OSTM1: variants seen among roughly 807,000 people sequenced by gnomAD.
The protein encoded by OSTM1 is osteoclastogenesis associated transmembrane protein 1, also known as osteopetrosis-associated transmembrane protein 1.
A neutral mutation model predicts 35.4 loss-of-function variants in OSTM1; 26 were observed. The observed-to-expected ratio is 0.73, with a 90% confidence interval of 0.54 to 1.02. The LOEUF (loss-of-function observed/expected upper bound fraction) is 1.02, where lower values mean the gene tolerates loss of function less well. Among genes scored for constraint, OSTM1 ranks in the 50% least tolerant of loss-of-function variants. OSTM1 has a pLI of 0.00. For missense variants in OSTM1, 366 were observed against 409.6 expected (o/e 0.89, Z 0.92); for synonymous variants, 181 against 165.0 (o/e 1.10, Z -0.75).
intron 3 of OSTM1, among the ~76,000 whole-genome samples, chr6:108,053,676 G>T (rs180998840): frequency 1.3e-5 from 2 of 152,240 alleles, no homozygotes; most frequent in African/African-American, 4.8e-5. Context: ...ATATTGGCCA[G>T]GTTGATCTCG....
intron 1 of OSTM1, among the ~76,000 whole-genome samples, chr6:108,066,925 C>T (rs1772389788): frequency 6.6e-6 from 1 of 152,150 alleles, no homozygotes; most frequent in African/African-American, 2.4e-5. Context: ...ATGGTCCTTG[C>T]TTATACTTAG....
intron 1 of OSTM1, among the ~76,000 whole-genome samples, chr6:108,067,719 A>C (rs1772403386): frequency 6.7e-6 from 1 of 150,284 alleles, no homozygotes; most frequent in Non-Finnish European, 1.5e-5. Context: ...AGTCCCAGCT[A>C]CTCAGGAGGC....
chr6:108,044,538 G>C lies in OSTM1; in HGVS notation c.*247C>G, dbSNP rs1771932134. 3 of 339,876 alleles carry C rather than the reference G, an allele frequency of 8.8e-6. No homozygotes were observed. The East Asian group carries it at 1.4e-4, about 16-fold the overall frequency. The allele number at this position is 339,876 out of a possible 1,614,324, so 21.1% of individuals were successfully genotyped here. ...AATAATGATTGTTCTTGCATGTTCT[G>C]TTATTGTGACAAATACACATTAAAA... On this transcript the variant is annotated 3_prime_UTR_variant, in exon 6 of 6. Coordinates refer to ENST00000193322, the MANE Select transcript of OSTM1 (RefSeq NM_014028.4).
chr6:108,074,437 G>C lies in OSTM1; in HGVS notation c.215C>G (p.Ser72Trp). 1 of 1,559,422 alleles carries C rather than the reference G, an allele frequency of 6.4e-7. No homozygotes were observed. The highest frequency in any genetic ancestry group is 8.7e-7 in the Non-Finnish European group (1 of 1,151,928). Reference sequence around the variant, plus strand: ...CAGATCCGGCAGGTCCGGGGGCAGCGACAGAGGCCCCAGCCCTCCACCCTG... The same window carrying C: ...CAGATCCGGCAGGTCCGGGGGCAGCCACAGAGGCCCCAGCCCTCCACCCTG... The part of the protein sequence containing the change: ...LLQGGGLGPL[S>W]LPPDLPDLDP... The change falls in exon 1 of 6, where the codon TCG becomes TGG. Residue 72 changes from serine to tryptophan, a missense_variant. Ser to Trp is a radical substitution (Grantham distance 177, BLOSUM62 -3). This residue lies in a region of OSTM1 where 236 missense variants were observed against 239.3 expected (regional missense o/e 0.99). Transcript: ENST00000193322.
At position 108,074,306 on chromosome 6, in the gene OSTM1, A is replaced by G; in HGVS notation, c.346T>C (p.Tyr116His). ...CTGACGACCTGTTGGAAGAGGGGGTAGCAGGTCTGACAGAGGCGCACGGGC... is the reference window on the plus strand; with the variant it reads ...CTGACGACCTGTTGGAAGAGGGGGTGGCAGGTCTGACAGAGGCGCACGGGC... The part of the protein sequence containing the change: ...ARPVRLCQTC[Y>H]PLFQQVVSKM... Residue 116 changes from tyrosine (Y) to histidine (H), a missense_variant, in exon 1 of 6, where the codon TAC becomes CAC. Tyr to His is a moderately conservative substitution (Grantham distance 83, BLOSUM62 2). Transcript: ENST00000193322. 1 of 1,612,444 alleles carries G rather than the reference A, an allele frequency of 6.2e-7. No homozygotes were observed. The highest frequency in any genetic ancestry group is 8.5e-7 in the Non-Finnish European group (1 of 1,179,946).
Position 108,042,268 on chromosome 6 carries a change from CAAAAAAAA to C in OSTM1, c.*2509_*2516del, listed in dbSNP as rs562640840. 3 of 64,122 alleles carry C rather than the reference CAAAAAAAA, an allele frequency of 4.7e-5. No homozygotes were observed. The highest frequency in any genetic ancestry group is 9.2e-5 in the Non-Finnish European group (3 of 32,782). 4.0% of individuals were successfully genotyped at this position (64,122 alleles called of 1,614,324 possible). On this transcript the variant is annotated 3_prime_UTR_variant, in exon 6 of 6. Coordinates refer to ENST00000193322, the MANE Select transcript of OSTM1 (RefSeq NM_014028.4). Reference sequence around the variant, plus strand: ...GCAACATAGTGAGACACTGTCTCTACAAAAAAAAAAAAAAAAAAAATTAATTATAAAAA... The same window carrying C: ...GCAACATAGTGAGACACTGTCTCTACAAAAAAAAAAAATTAATTATAAAAA...
In OSTM1 at chr6:108,041,701, T is replaced by C. The variant is rs540946708; in HGVS notation, c.*3084A>G. On this transcript the variant is annotated 3_prime_UTR_variant, in exon 6 of 6. Transcript: ENST00000193322. The stretch of plus-strand genomic sequence containing the variant: ...GTTGACTATCAAAGAATGACTGTTA[T>C]AAATAAAGAGCTCTATGATGTTCCA... 1 of 152,186 alleles carries C rather than the reference T, an allele frequency of 6.6e-6. No homozygotes were observed. Among genetic ancestry groups the C allele is most frequent in the Non-Finnish European group, 1.5e-5 (1 of 68,036 alleles). The allele number at this position is 152,186 out of a possible 1,614,324, so 9.4% of individuals were successfully genotyped here.
In OSTM1 at chr6:108,043,799, T is replaced by G. The variant is rs1229927099; in HGVS notation, c.*986A>C. On this transcript the variant is annotated 3_prime_UTR_variant, in exon 6 of 6. Coordinates refer to ENST00000193322, the MANE Select transcript of OSTM1 (RefSeq NM_014028.4). Reference sequence around the variant, plus strand: ...GAGACTATCGTTCCGATTCATCCCCTCAATACACACCACTGTCCAACAGTC... The same window carrying G: ...GAGACTATCGTTCCGATTCATCCCCGCAATACACACCACTGTCCAACAGTC... 1 of 152,182 alleles carries G rather than the reference T, an allele frequency of 6.6e-6. No individual in the cohort carries two copies. The highest frequency in any genetic ancestry group is 2.4e-5 in the African/African-American group (1 of 41,434). The allele number at this position is 152,182 out of a possible 1,614,324, so 9.4% of individuals were successfully genotyped here.
Position 108,044,033 on chromosome 6 carries a change from C to T in OSTM1, c.*752G>A, listed in dbSNP as rs1044007162. The T allele has an allele frequency of 2.0e-5, 3 of 152,484 alleles. No individual in the cohort carries two copies. Among genetic ancestry groups the T allele is most frequent in the Non-Finnish European group, 4.4e-5 (3 of 68,002 alleles). The allele number at this position is 152,484 out of a possible 1,614,324, so 9.4% of individuals were successfully genotyped here. A position where few individuals can be genotyped will look rare whatever the true frequency, so the allele number is the denominator to read the frequency against. On this transcript the variant is annotated 3_prime_UTR_variant, in exon 6 of 6. Coordinates refer to ENST00000193322, the MANE Select transcript of OSTM1 (RefSeq NM_014028.4). ...TTGCCAAATAACTTAATGTAATTCA[C>T]GATGCAAATCCTTGGTATAAAAATA...
At chr6:108,046,347 C>CTT (rs780366857) in intron 5 of OSTM1, among the ~76,000 whole-genome samples, 3 of 116,098 alleles carry the variant, frequency 2.6e-5, no homozygotes, top group South Asian at 2.9e-4. Context: ...TCTTTTTTTT[C>CTT]TTTTTTTTTT....
chr6:108,050,853 A>T (rs1772063597), intron 4 of OSTM1, among the ~76,000 whole-genome samples, 178 bp downstream of exon 4: 1 of 152,226 alleles, frequency 6.6e-6, no homozygotes. Context: ...TACTAAGGAA[A>T]TATCCATTTT....
chr6:108,071,196 A>G (rs1772476558), intron 1 of OSTM1, among the ~76,000 whole-genome samples: 1 of 152,036 alleles, frequency 6.6e-6, no homozygotes, highest in Non-Finnish European at 1.5e-5. Flanking sequence ...TCAAAAAAAA[A>G]AGAAAAAGAA....
intron 2 of OSTM1, among the ~76,000 whole-genome samples, chr6:108,057,931 G>A (rs1371858112): frequency 1.3e-5 from 2 of 152,034 alleles, no homozygotes; most frequent in East Asian, 1.9e-4. Flanking sequence ...AGCACTAAGT[G>A]AAGTGGTCAT....
intron 5 of OSTM1, among the ~76,000 whole-genome samples, chr6:108,047,885 T>A (rs898330523): frequency 6.6e-6 from 1 of 152,210 alleles, no homozygotes; most frequent in Non-Finnish European, 1.5e-5. Context: ...GTTAAATAGA[T>A]TAGCAAGGCA....
rs141114113 is a variant in OSTM1 at position 108,056,906 on chromosome 6, T to C, written c.518-2319A>G. 8.3e-4 allele frequency among the ~76,000 whole-genome samples: 127 copies of C among 152,334 alleles called. 1 individual carries two copies. The highest frequency in any genetic ancestry group is 2.8e-3 in the African/African-American group (115 of 41,580). ...GAAACTAAGCCACAGAAATAGGTGA[T>C]ATGCTGATGATCATACCACAAGTTA... On this transcript the variant is annotated intron_variant, in intron 2 of 5. Transcript: ENST00000193322.
intron 3 of OSTM1, among the ~76,000 whole-genome samples, chr6:108,053,064 T>C (rs1772107766): frequency 6.6e-6 from 1 of 152,226 alleles, no homozygotes; most frequent in Non-Finnish European, 1.5e-5. Context: ...TGCCAGTGCA[T>C]TCCAAATTAC....
At chr6:108,056,183 T>C (rs1227560953) in intron 2 of OSTM1, among the ~76,000 whole-genome samples, 3 of 152,210 alleles carry the variant, frequency 2.0e-5, no homozygotes, top group Non-Finnish European at 4.4e-5. Context: ...ACACTGCACT[T>C]TAAACACATT....
intron 2 of OSTM1, among the ~76,000 whole-genome samples, chr6:108,058,826 G>A (rs1173781514): frequency 4.6e-5 from 7 of 152,096 alleles, no homozygotes; most frequent in Non-Finnish European, 2.9e-5. Flanking sequence ...TAATCATTAA[G>A]TACTATTGTT....
In OSTM1 at chr6:108,074,461, T is replaced by C; in HGVS notation, c.191A>G (p.Gln64Arg). The C allele has an allele frequency of 6.4e-7, 1 of 1,557,160 alleles. No individual in the cohort carries two copies. The highest frequency in any genetic ancestry group is 8.7e-7 in the Non-Finnish European group (1 of 1,150,958). ...CGACAGAGGCCCCAGCCCTCCACCC[T>C]GCAGGAGGGACAGGGACAAGTCCTC... ...EVEDLSLSLL[Q>R]GGGLGPLSLP... The change falls in exon 1 of 6, where the codon CAG becomes CGG. Residue 64 changes from glutamine (Q) to arginine (R), a missense_variant. Around this residue, in one of 3 missense-constraint regions of OSTM1, gnomAD observed 236 missense variants for 239.3 expected, o/e 0.99. Coordinates refer to ENST00000193322, the MANE Select transcript of OSTM1 (RefSeq NM_014028.4).
Sources: allele counts gnomAD v4.1 joint callset (sites outside exome capture counted in the v4.1 genomes callset), GRCh38; gene constraint gnomAD v4.1.1; regional missense constraint gnomAD v4.1.1; transcripts MANE v1.5; gene names NCBI Gene and HGNC (gene_info 2026-07-23, HGNC 2026-07-21).